The following CPQ variants were observed in gnomAD, a reference collection of about 807,000 sequenced individuals.
CPQ encodes Ser-Met dipeptidase.
In CPQ, 37 loss-of-function variants were observed where a neutral mutation model predicts 45.7. That is an observed-to-expected ratio of 0.81 (90% CI 0.62 to 1.07). CPQ has a LOEUF of 1.07. Ranked by LOEUF, CPQ falls within the 50% of genes least tolerant of loss-of-function variation. CPQ has a pLI of 0.00. For synonymous variants in CPQ, 186 were observed against 205.8 expected, an observed-to-expected ratio of 0.90 and a Z score of 0.82; for missense variants, 537 against 572.9, an observed-to-expected ratio of 0.94 and a Z score of 0.64.
chr8:96,659,593 C>T lies in CPQ; in HGVS notation c.-35+14191C>T, dbSNP rs1815675869. ...AGATCTTCATCTCTACACTTTACTT[C>T]TTTCTGATTTCCATTATCTGGTTTT... On this transcript the variant is annotated intron_variant, in intron 1 of 7. Coordinates refer to ENST00000220763, the MANE Select transcript of CPQ (RefSeq NM_016134.4). Among the ~76,000 whole-genome samples the T allele has an allele frequency of 2.0e-5, 3 of 152,194 alleles. No homozygotes were observed. The South Asian group carries it at 6.2e-4, about 32-fold the overall frequency.
intron 3 of CPQ, among the ~76,000 whole-genome samples, chr8:96,874,454 T>G (rs1186993119): frequency 6.6e-6 from 1 of 151,790 alleles, no homozygotes; most frequent in Non-Finnish European, 1.5e-5. Context: ...TCATACCTAT[T>G]AATATTCCAC....
At chr8:96,893,009 T>C (rs1387306108) in intron 4 of CPQ, among the ~76,000 whole-genome samples, 1 of 152,198 alleles carries the variant, frequency 6.6e-6, no homozygotes, top group African/African-American at 2.4e-5. Flanking sequence ...GTCTACGTGT[T>C]TCTCATACAT....
At chr8:97,024,477 C>T (rs1586500601) in intron 5 of CPQ, among the ~76,000 whole-genome samples, 2 of 152,176 alleles carry the variant, frequency 1.3e-5, no homozygotes, top group Admixed American at 1.3e-4. Context: ...CTAAGAAAGA[C>T]ACCAAGGGAT....
chr8:96,768,765 T>C (rs1240475703), intron 1 of CPQ, among the ~76,000 whole-genome samples: 2 of 152,184 alleles, frequency 1.3e-5, no homozygotes, highest in African/African-American at 4.8e-5. Flanking sequence ...TAACAAGAAC[T>C]GTATTTGCAG....
chr8:96,873,295 T>C (rs149834605), intron 3 of CPQ, among the ~76,000 whole-genome samples: 4 of 151,812 alleles, frequency 2.6e-5, no homozygotes, highest in African/African-American at 9.6e-5. Flanking sequence ...TCCTCTCTCT[T>C]GAGCAGATTT....
intron 1 of CPQ, among the ~76,000 whole-genome samples, chr8:96,781,617 C>G (rs1312207702): frequency 6.6e-6 from 1 of 152,168 alleles, no homozygotes; most frequent in African/African-American, 2.4e-5. Context: ...TCATGTTTTT[C>G]TTACATACAA....
chr8:97,002,456 G>A lies in CPQ; in HGVS notation c.962-26947G>A, dbSNP rs138066437. ...GTCTGTGTCCCAGAGATTCTGGTACGTTGCATCTTTGTTCACATTAGTTTC... is the reference window on the plus strand; with the variant it reads ...GTCTGTGTCCCAGAGATTCTGGTACATTGCATCTTTGTTCACATTAGTTTC... On this transcript the variant is annotated intron_variant, in intron 5 of 7. Coordinates refer to ENST00000220763, the MANE Select transcript of CPQ (RefSeq NM_016134.4). 3.2e-4 allele frequency among the ~76,000 whole-genome samples: 48 copies of A among 152,244 alleles called. No homozygotes were observed. The East Asian group carries it at 8.1e-3, about 26-fold the overall frequency.
At chr8:96,877,358 T>A (rs1812159985) in intron 3 of CPQ, among the ~76,000 whole-genome samples, 1 of 152,184 alleles carries the variant, frequency 6.6e-6, no homozygotes, top group African/African-American at 2.4e-5. Flanking sequence ...GTCCCCACTT[T>A]AAGAAGTCTT....
At chr8:96,909,877 T>C (rs1812633124) in intron 4 of CPQ, among the ~76,000 whole-genome samples, 1 of 152,172 alleles carries the variant, frequency 6.6e-6, no homozygotes, top group Non-Finnish European at 1.5e-5. Flanking sequence ...AATTTCAGAC[T>C]CATGAAATTT....
At chr8:96,748,648 C>A (rs1810221058) in intron 1 of CPQ, among the ~76,000 whole-genome samples, 1 of 151,952 alleles carries the variant, frequency 6.6e-6, no homozygotes, top group Non-Finnish European at 1.5e-5. Flanking sequence ...CTGTTTGCTA[C>A]CTCTTTCTGT....
chr8:96,912,316 T>G (rs889596626), intron 4 of CPQ, among the ~76,000 whole-genome samples: 13 of 152,230 alleles, frequency 8.5e-5, no homozygotes, highest in Non-Finnish European at 1.5e-5. Context: ...GTTCTGTCTT[T>G]TCACTGTGAG....
intron 7 of CPQ, among the ~76,000 whole-genome samples, chr8:97,067,492 A>G (rs774107356): frequency 6.6e-6 from 1 of 152,178 alleles, no homozygotes; most frequent in African/African-American, 2.4e-5. Context: ...AGGTACTAAA[A>G]CAGTGTCTCT....
chr8:97,142,910 G>C, intron 7 of CPQ, 110 bp from the exon 8 acceptor site: 1 of 911,006 alleles, frequency 1.1e-6, no homozygotes, highest in Non-Finnish European at 1.7e-6. Flanking sequence ...TAATTATTTT[G>C]CTATTGCAGA....
intron 4 of CPQ, among the ~76,000 whole-genome samples, chr8:96,890,690 C>T (rs746232261): frequency 3.9e-5 from 6 of 152,192 alleles, no homozygotes; most frequent in Non-Finnish European, 5.9e-5. Context: ...AGGCAGAGCC[C>T]AAAGTGTCCA....
At chr8:96,987,569 C>T (rs1809008910) in intron 5 of CPQ, among the ~76,000 whole-genome samples, 2 of 152,136 alleles carry the variant, frequency 1.3e-5, no homozygotes, top group Admixed American at 6.5e-5. Context: ...GAGAAGTCCG[C>T]GTTTGTCTGT....
In CPQ at chr8:96,965,620, C is replaced by T. The variant is rs112840263; in HGVS notation, c.850-315C>T. Among the ~76,000 whole-genome samples the T allele has an allele frequency of 1.8e-4, 28 of 152,176 alleles. 1 individual carries two copies. Among genetic ancestry groups the T allele is most frequent in the Admixed American group, 1.3e-3 (20 of 15,298 alleles). On this transcript the variant is annotated intron_variant, in intron 4 of 7. Coordinates refer to ENST00000220763, the MANE Select transcript of CPQ (RefSeq NM_016134.4). ...TCCTGACCTCGTGATCCACCCGCCTCGGCCTCCCAAAGTGCTGGGATTAGA... is the reference window on the plus strand; with the variant it reads ...TCCTGACCTCGTGATCCACCCGCCTTGGCCTCCCAAAGTGCTGGGATTAGA...
intron 7 of CPQ, among the ~76,000 whole-genome samples, chr8:97,130,229 A>T (rs1056825299): frequency 2.6e-5 from 4 of 152,198 alleles, no homozygotes; most frequent in Admixed American, 6.5e-5. Flanking sequence ...GCTTTAGAGA[A>T]AAAATGACTC....
At chr8:96,731,490 T>G (rs1809912554) in intron 1 of CPQ, among the ~76,000 whole-genome samples, 1 of 152,248 alleles carries the variant, frequency 6.6e-6, no homozygotes, top group Non-Finnish European at 1.5e-5. Context: ...ATGAGGGGTC[T>G]AAAATTCCTG....
intron 2 of CPQ, among the ~76,000 whole-genome samples, chr8:96,809,314 T>C (rs891154816): frequency 2.0e-5 from 3 of 152,174 alleles, no homozygotes; most frequent in African/African-American, 7.2e-5. Context: ...TTATTCATCA[T>C]AGCTAAAAAC....
Sources: gnomAD v4.1 joint callset for allele counts (sites outside exome capture counted in the v4.1 genomes callset) on GRCh38, gnomAD v4.1.1 for gene constraint, MANE v1.5 for transcripts, NCBI Gene and HGNC (gene_info 2026-07-23, HGNC 2026-07-21) for gene names.